The following FBLN2 variants were observed in gnomAD, a reference collection of about 807,000 sequenced individuals.
FBLN2 encodes the protein fibulin 2.
Under a neutral mutation model 123.7 loss-of-function variants are expected in FBLN2, and 81 were observed. The observed-to-expected ratio is 0.65, with a 90% CI of 0.55 to 0.79. The LOEUF is 0.79. FBLN2 is among the 30% of genes least tolerant of loss of function. The probability of loss-of-function intolerance (pLI) is 0.00; values close to 1 mark genes in which losing one functional copy is unlikely to be tolerated. For synonymous variants in FBLN2, 699 were observed against 701.4 expected, an observed-to-expected ratio of 1.00 and a Z score of 0.05; for missense variants, 1,603 against 1,681.3, an observed-to-expected ratio of 0.95 and a Z score of 0.81.
intron 1 of FBLN2, among the ~76,000 whole-genome samples, chr3:13,567,929 G>A (rs1367549899): frequency 6.6e-6 from 1 of 152,202 alleles, no homozygotes; most frequent in Non-Finnish European, 1.5e-5. Flanking sequence ...CTGTGCTCTA[G>A]CCTGGACAAC....
chr3:13,625,386 G>A (rs1559425139), intron 9 of FBLN2, among the ~76,000 whole-genome samples: 1 of 152,098 alleles, frequency 6.6e-6, no homozygotes, highest in African/African-American at 2.4e-5. Context: ...GCTGGTCCTT[G>A]GCCTCCTCTC....
intron 2 of FBLN2, among the ~76,000 whole-genome samples, chr3:13,589,572 A>G (rs1704607608): frequency 2.6e-5 from 4 of 152,184 alleles, no homozygotes; most frequent in Admixed American, 6.5e-5. Flanking sequence ...CCTCAGCCTC[A>G]TCATTGTCCA....
In FBLN2 at chr3:13,569,349, C is replaced by T. The variant is rs530583167; in HGVS notation, c.-41-966C>T. Among the ~76,000 whole-genome samples, 319 of 152,154 alleles carry T rather than the reference C, an allele frequency of 2.1e-3. 1 individual carries two copies. Among genetic ancestry groups the T allele is most frequent in the Non-Finnish European group, 3.4e-3 (230 of 67,990 alleles). On this transcript the variant is annotated intron_variant, in intron 1 of 17. Transcript: ENST00000404922. ...TGGGAAACTGGGGCGGGCTGTGGGG[C>T]CGTGGCATGTCGGGGCCAGCTGCTC...
chr3:13,575,455 C>T (rs1347316814), intron 2 of FBLN2, among the ~76,000 whole-genome samples: 2 of 152,208 alleles, frequency 1.3e-5, no homozygotes, highest in East Asian at 3.9e-4. Context: ...TGCCCTAACT[C>T]TGGTCTCTGG....
rs1289838480 is a variant in FBLN2, at chr3:13,549,220, C to T, written c.-42+12C>T. 2.0e-6 allele frequency: 2 copies of T among 983,530 alleles called. No individual in the cohort carries two copies. Among genetic ancestry groups the T allele is most frequent in the African/African-American group, 1.8e-5 (1 of 57,118 alleles). 60.9% of individuals were successfully genotyped at this position (983,530 alleles called of 1,614,324 possible). A position where few individuals can be genotyped will look rare whatever the true frequency, so the allele number is the denominator to read the frequency against. Reference sequence around the variant, plus strand: ...CGCAGTGCCCCGCGGTGAGTGCACGCGGCCCCTCCCGCCCGGACTCATCCC... The same window carrying T: ...CGCAGTGCCCCGCGGTGAGTGCACGTGGCCCCTCCCGCCCGGACTCATCCC... On this transcript the variant is annotated intron_variant, in intron 1 of 17. Coordinates refer to ENST00000404922, the MANE Select transcript of FBLN2 (RefSeq NM_001004019.2).
chr3:13,637,743 G>C lies in FBLN2; in HGVS notation c.3520G>C (p.Glu1174Gln). ...CCTGAACATCATCAAGGGCAATGAG[G>C]AGGGCTACTTTGGCACGCGCAGGCT... ...IALNIIKGNE[E>Q]GYFGTRRLNA... Residue 1174 changes from glutamate to glutamine, a missense_variant, in exon 18 of 18, where the codon GAG becomes CAG. Physicochemically the swap from Glu to Gln is conservative, Grantham distance 29 (BLOSUM62 2). Coordinates refer to ENST00000404922, the MANE Select transcript of FBLN2 (RefSeq NM_001004019.2). 1 of 1,614,012 alleles carries C rather than the reference G, an allele frequency of 6.2e-7. No homozygotes were observed. Among genetic ancestry groups the C allele is most frequent in the South Asian group, 1.1e-5 (1 of 91,090 alleles).
intron 1 of FBLN2, among the ~76,000 whole-genome samples, chr3:13,550,683 G>A (rs1703298960): frequency 6.6e-6 from 1 of 152,158 alleles, no homozygotes; most frequent in South Asian, 2.1e-4. Context: ...GCCAAATGGG[G>A]TGAAGACTCC....
chr3:13,593,326 G>A (rs541566059), intron 2 of FBLN2, among the ~76,000 whole-genome samples: 30 of 152,310 alleles, frequency 2.0e-4, no homozygotes, highest in Non-Finnish European at 3.7e-4. Flanking sequence ...ATAAGGAAAT[G>A]TTTTCAAGTT....
intron 1 of FBLN2, among the ~76,000 whole-genome samples, chr3:13,557,541 T>C (rs931241717): frequency 1.3e-5 from 2 of 152,194 alleles, no homozygotes; most frequent in African/African-American, 2.4e-5. Context: ...TGTTCCATAC[T>C]CCCAGGCAGG....
rs1706197506 is a variant in FBLN2 at position 13,629,952 on chromosome 3, T to A, written c.2968+7T>A. 4 of 1,610,200 alleles carry A rather than the reference T, an allele frequency of 2.5e-6. No homozygotes were observed. The Admixed American group carries it at 6.7e-5, about 27-fold the overall frequency. On this transcript the variant is annotated splice_region_variant and intron_variant, in intron 14 of 17. Transcript: ENST00000404922. ...GACGGCAAGCGCTGTGAAGGTAGGCTGGCCCTCATCTCTGACCCTATGCCG... is the reference window on the plus strand; with the variant it reads ...GACGGCAAGCGCTGTGAAGGTAGGCAGGCCCTCATCTCTGACCCTATGCCG...
At chr3:13,565,262 C>G (rs1000493603) in intron 1 of FBLN2, among the ~76,000 whole-genome samples, 22 of 152,198 alleles carry the variant, frequency 1.4e-4, no homozygotes, top group African/African-American at 5.3e-4. Context: ...CAACAAAGAC[C>G]AAAGCTGTGA....
chr3:13,617,175 CATCT>C (rs1308340280), intron 5 of FBLN2, among the ~76,000 whole-genome samples: 1 of 150,896 alleles, frequency 6.6e-6, no homozygotes, highest in East Asian at 1.9e-4. Flanking sequence ...TCCATCCATC[CATCT>C]ATCCATCCAT....
intron 1 of FBLN2, among the ~76,000 whole-genome samples, chr3:13,553,502 C>T (rs11929569): frequency 0.037 from 5,579 of 152,262 alleles, 356 homozygotes; most frequent in African/African-American, 0.13. Context: ...CACCACTGCA[C>T]GCCCACACCA....
Position 13,629,188 on chromosome 3 carries a change from T to G in FBLN2, c.2738T>G (p.Val913Gly). ...CVDVNECETG[V>G]HRCGEGQVCH... The stretch of plus-strand genomic sequence containing the variant: ...GACGTGAATGAGTGTGAGACAGGTG[T>G]GCACCGCTGCGGTGAGGGCCAAGTG... Residue 913 changes from valine (V) to glycine (G), a missense_variant, in exon 13 of 18, where the codon GTG becomes GGG. Val to Gly is a moderately radical substitution (Grantham distance 109, BLOSUM62 -3). Coordinates refer to ENST00000404922, the MANE Select transcript of FBLN2 (RefSeq NM_001004019.2). 1.2e-6 allele frequency: 2 copies of G among 1,613,174 alleles called. No individual in the cohort carries two copies. The highest frequency in any genetic ancestry group is 1.7e-6 in the Non-Finnish European group (2 of 1,179,690).
chr3:13,590,831 G>A (rs567346658), intron 2 of FBLN2, among the ~76,000 whole-genome samples: 13 of 152,282 alleles, frequency 8.5e-5, no homozygotes, highest in African/African-American at 2.4e-4. Flanking sequence ...TTTTAGTGTC[G>A]ATGGACATTT....
intron 9 of FBLN2, among the ~76,000 whole-genome samples, chr3:13,624,896 G>T (rs1272360968): frequency 1.3e-5 from 2 of 152,282 alleles, no homozygotes; most frequent in Non-Finnish European, 2.9e-5. Context: ...TTCCACACTG[G>T]CTTAGCGCTG....
intron 1 of FBLN2, among the ~76,000 whole-genome samples, chr3:13,556,468 G>A (rs958585109): frequency 6.6e-6 from 1 of 152,180 alleles, no homozygotes. Flanking sequence ...CCTCCTAATG[G>A]GGGGCCCCAC....
chr3:13,568,943 C>A (rs748576514), intron 1 of FBLN2: 147 of 985,534 alleles, frequency 1.5e-4, no homozygotes, highest in Non-Finnish European at 1.3e-4. Flanking sequence ...AGAAATGGGG[C>A]AGGCTTGGGG....
chr3:13,633,954 A>AACACACACACACACACACAC (rs56947028), intron 16 of FBLN2, among the ~76,000 whole-genome samples: 11,476 of 112,654 alleles, frequency 0.1, 1,168 homozygotes, highest in Non-Finnish European at 0.11. Context: ...ACACACTGCA[A>AACACACACACACACACACAC]ACACACACAC....
Sources: allele counts gnomAD v4.1 joint callset (sites outside exome capture counted in the v4.1 genomes callset), GRCh38; gene constraint gnomAD v4.1.1; transcripts MANE v1.5; gene names NCBI Gene and HGNC (gene_info 2026-07-23, HGNC 2026-07-21).